The following FAM133B variants were observed in gnomAD, a reference collection of about 807,000 sequenced individuals.
FAM133B encodes the protein family with sequence similarity 133 member B.
A neutral mutation model predicts 46.4 loss-of-function variants in FAM133B; 25 were observed. The ratio of observed to expected loss-of-function variants is 0.54; its 90% CI spans 0.39 to 0.75. The LOEUF is 0.75. Ranked by LOEUF, FAM133B falls within the 30% of genes least tolerant of loss-of-function variation. The pLI is 0.00. For missense variants in FAM133B, 205 were observed against 277.6 expected, an observed-to-expected ratio of 0.74 and a Z score of 1.86; for synonymous variants, 75 against 86.0, an observed-to-expected ratio of 0.87 and a Z score of 0.71.
intron 10 of FAM133B, among the ~76,000 whole-genome samples, chr7:92,564,546 A>C (rs536484822): frequency 6.6e-6 from 1 of 152,164 alleles, no homozygotes; most frequent in East Asian, 1.9e-4. Flanking sequence ...AACAAACAAA[A>C]ACTTATTCGT....
intron 9 of FAM133B, among the ~76,000 whole-genome samples, chr7:92,568,514 C>G (rs916922675): frequency 6.7e-6 from 1 of 149,584 alleles, no homozygotes; most frequent in Non-Finnish European, 1.5e-5. Flanking sequence ...CCTGCCACCA[C>G]GCCTGGCTAA....
At chr7:92,565,800 A>T (rs755231973) in intron 10 of FAM133B, 65 of 575,370 alleles carry the variant, frequency 1.1e-4, no homozygotes, top group Non-Finnish European at 1.4e-4. Flanking sequence ...ACTGAAATGG[A>T]AACAGGACAT....
intron 10 of FAM133B, 173 bp downstream of exon 10, chr7:92,565,841 T>G: frequency 1.6e-6 from 1 of 628,176 alleles, no homozygotes. Flanking sequence ...TTATTTTTCC[T>G]GAACCATTTT....
At chr7:92,570,875 GA>G (rs1794507562) in intron 8 of FAM133B, among the ~76,000 whole-genome samples, 1 of 152,074 alleles carries the variant, frequency 6.6e-6, no homozygotes, top group African/African-American at 2.4e-5. Flanking sequence ...CCCACTATCA[GA>G]AATTAAACAC....
intron 2 of FAM133B, among the ~76,000 whole-genome samples, chr7:92,579,844 T>C (rs887577825): frequency 4.6e-5 from 7 of 152,158 alleles, no homozygotes; most frequent in Non-Finnish European, 7.3e-5. Context: ...ATTCCATATA[T>C]GACCCATTTA....
chr7:92,572,038 T>A (rs1229797442), intron 8 of FAM133B, among the ~76,000 whole-genome samples: 5 of 152,112 alleles, frequency 3.3e-5, no homozygotes, highest in Non-Finnish European at 7.4e-5. Flanking sequence ...TTTTAAATAA[T>A]AAAGGGGCTA....
intron 1 of FAM133B, chr7:92,585,212 G>T: frequency 4.1e-6 from 1 of 243,376 alleles, no homozygotes; most frequent in Non-Finnish European, 6.6e-6. Context: ...GGTAATCTCT[G>T]TATGTCATTT....
rs577526521 is a variant in FAM133B, at chr7:92,574,634, G to A, written c.516+1137C>T. 1.2e-4 allele frequency among the ~76,000 whole-genome samples: 19 copies of A among 152,182 alleles called. No individual in the cohort carries two copies. In the South Asian group the frequency reaches 2.5e-3, roughly 20 times the overall value. On this transcript the variant is annotated intron_variant, in intron 8 of 10. Transcript: ENST00000445716. ...CATTAAAAAAATATGGGCCGGGCGC[G>A]GTGGCTCACGCCTGTAATCCCAGCA...
At chr7:92,571,464 G>A (rs1413682040) in intron 8 of FAM133B, among the ~76,000 whole-genome samples, 1 of 152,032 alleles carries the variant, frequency 6.6e-6, no homozygotes, top group Non-Finnish European at 1.5e-5. Context: ...TTTAATTTTT[G>A]TAATCAGTTT....
intron 9 of FAM133B, chr7:92,569,608 G>C (rs1212905402): frequency 3.4e-6 from 1 of 294,394 alleles, no homozygotes; most frequent in East Asian, 6.2e-5. Context: ...GATTAGAAAG[G>C]TATGTGGAAA....
chr7:92,582,607 C>T (rs1293532421), intron 1 of FAM133B, among the ~76,000 whole-genome samples: 1 of 151,934 alleles, frequency 6.6e-6, no homozygotes, highest in East Asian at 1.9e-4. Context: ...AGATTAATAT[C>T]CAGAATGTAA....
chr7:92,590,349 GAA>G lies in FAM133B; in HGVS notation c.-60_-59del. 1 of 1,608,298 alleles carries G rather than the reference GAA, an allele frequency of 6.2e-7. No homozygotes were observed. Among genetic ancestry groups the G allele is most frequent in the South Asian group, 1.1e-5 (1 of 90,506 alleles). ...GGGAAACCGGGCCGGAGAGACTGCCGAAGAGGGCCTGCCGCAGGTCCTCTTGC... is the reference window on the plus strand; with the variant it reads ...GGGAAACCGGGCCGGAGAGACTGCCGGAGGGCCTGCCGCAGGTCCTCTTGC... On this transcript the variant is annotated 5_prime_UTR_variant, in exon 1 of 11. Transcript: ENST00000445716.
rs781428895 is a variant in FAM133B at position 92,590,338 on chromosome 7, G to A, written c.-47C>T. 3.1e-6 allele frequency: 5 copies of A among 1,612,720 alleles called. No individual in the cohort carries two copies. In the South Asian group the frequency reaches 3.3e-5, roughly 11 times the overall value. ...TAGCACGCCGAGGGAAACCGGGCCG[G>A]AGAGACTGCCGAAGAGGGCCTGCCG... is the stretch of plus-strand genomic sequence containing the variant. On this transcript the variant is annotated 5_prime_UTR_variant, in exon 1 of 11. Coordinates refer to ENST00000445716, the MANE Select transcript of FAM133B (RefSeq NM_152789.4).
At chr7:92,574,856 GA>G (rs1221879606) in intron 8 of FAM133B, among the ~76,000 whole-genome samples, 3 of 150,374 alleles carry the variant, frequency 2.0e-5, no homozygotes, top group Non-Finnish European at 4.4e-5. Context: ...AGTGAGCCGA[GA>G]TTGCGCCACT....
chr7:92,564,766 A>G (rs937818502), intron 10 of FAM133B, among the ~76,000 whole-genome samples: 11 of 152,220 alleles, frequency 7.2e-5, no homozygotes. Flanking sequence ...GAGGGCCCCT[A>G]AATTACTTTG....
At chr7:92,582,322 C>A (rs1585314088) in intron 1 of FAM133B, among the ~76,000 whole-genome samples, 2 of 136,682 alleles carry the variant, frequency 1.5e-5, no homozygotes, top group African/African-American at 2.9e-5. Flanking sequence ...AATAACATAA[C>A]ATAAAATAAA....
In FAM133B at chr7:92,569,912, T is replaced by C; in HGVS notation, c.520A>G (p.Ile174Val). 2 of 1,337,168 alleles carry C rather than the reference T, an allele frequency of 1.5e-6. No individual in the cohort carries two copies. Among genetic ancestry groups the C allele is most frequent in the Non-Finnish European group, 2.0e-6 (2 of 1,019,896 alleles). 82.8% of individuals were successfully genotyped at this position (1,337,168 alleles called of 1,614,324 possible). ...SKDGTEKEKDIKGLSKKRKMY... is the reference protein window; with the variant it reads ...SKDGTEKEKDVKGLSKKRKMY... ...TTTCTCTTTTTGCTGAGTCCTTTAA[T>C]ATCCTATGAAAAATAAATACATTTA... Residue 174 changes from isoleucine to valine, a missense_variant, in exon 9 of 11, where the codon ATT becomes GTT. Physicochemically the swap from Ile to Val is conservative, Grantham distance 29 (BLOSUM62 3). Coordinates refer to ENST00000445716, the MANE Select transcript of FAM133B (RefSeq NM_152789.4).
At chr7:92,566,825 T>C (rs1794365000) in intron 9 of FAM133B, among the ~76,000 whole-genome samples, 1 of 152,236 alleles carries the variant, frequency 6.6e-6, no homozygotes, top group African/African-American at 2.4e-5. Flanking sequence ...TCAGTGTAGT[T>C]AGTATAAAGC....
chr7:92,569,880 A>T lies in FAM133B; in HGVS notation c.552T>A (p.Tyr184Ter). The T allele has an allele frequency of 7.0e-7, 1 of 1,429,872 alleles. No individual in the cohort carries two copies. Among genetic ancestry groups the T allele is most frequent in the Non-Finnish European group, 9.2e-7 (1 of 1,090,134 alleles). The allele number at this position is 1,429,872 out of a possible 1,614,324, so 88.6% of individuals were successfully genotyped here. ...IKGLSKKRKM[Y>*]SEDKPLSSES... The stretch of plus-strand genomic sequence containing the variant: ...CAGATGATAAAGGTTTATCTTCAGA[A>T]TACATCTTTCTCTTTTTGCTGAGTC... The change falls in exon 9 of 11, where the codon TAT becomes TAA. Residue 184 changes from tyrosine to a stop codon, truncating the protein, a stop_gained. Coordinates refer to ENST00000445716, the MANE Select transcript of FAM133B (RefSeq NM_152789.4). LOFTEE classifies it high-confidence loss of function.
Sources: gnomAD v4.1 joint callset for allele counts (sites outside exome capture counted in the v4.1 genomes callset) on GRCh38, gnomAD v4.1.1 for gene constraint, MANE v1.5 for transcripts, NCBI Gene and HGNC (gene_info 2026-07-23, HGNC 2026-07-21) for gene names.